The following SFXN5 variants were observed in gnomAD, a reference collection of about 807,000 sequenced individuals.
The protein encoded by SFXN5 is sideroflexin 5.
Under a neutral mutation model 50.2 loss-of-function variants are expected in SFXN5, and 43 were observed. The observed-to-expected ratio is 0.86, with a 90% CI of 0.67 to 1.11. SFXN5 has a LOEUF of 1.11. Among genes scored for constraint, SFXN5 ranks in the 50% least tolerant of loss-of-function variants. The pLI, the probability that SFXN5 is intolerant of heterozygous loss-of-function variation, is 0.00. For synonymous variants in SFXN5, 203 were observed against 185.8 expected, an observed-to-expected ratio of 1.09 and a Z score of -0.75; for missense variants, 463 against 454.1, an observed-to-expected ratio of 1.02 and a Z score of -0.18.
chr2:72,963,582 G>A (rs1002032402), intron 12 of SFXN5, among the ~76,000 whole-genome samples: 22 of 152,106 alleles, frequency 1.4e-4, no homozygotes, highest in African/African-American at 5.1e-4. Flanking sequence ...AAAGGCAGCT[G>A]GGGGAGTTAA....
At chr2:72,981,629 G>A (rs1192808889) in intron 10 of SFXN5, among the ~76,000 whole-genome samples, 1 of 152,148 alleles carries the variant, frequency 6.6e-6, no homozygotes, top group Non-Finnish European at 1.5e-5. Context: ...TGGGACACTA[G>A]ACACTTTCCT....
intron 10 of SFXN5, among the ~76,000 whole-genome samples, chr2:72,981,502 C>T (rs1220667916): frequency 1.3e-5 from 2 of 152,170 alleles, no homozygotes; most frequent in African/African-American, 4.8e-5. Context: ...GGTGCTCTTG[C>T]CCATGAATTC....
intron 10 of SFXN5, among the ~76,000 whole-genome samples, chr2:72,984,146 C>CT (rs1196257098): frequency 6.6e-6 from 1 of 152,256 alleles, no homozygotes; most frequent in East Asian, 1.9e-4. Flanking sequence ...AGCACACATG[C>CT]TCCTGGGCTC....
chr2:72,968,677 C>A, intron 11 of SFXN5, 144 bp from the exon 12 acceptor site: 1 of 572,780 alleles, frequency 1.7e-6, no homozygotes, highest in Non-Finnish European at 2.8e-6. Context: ...AAGCTGCATT[C>A]CAAACAACAA....
chr2:72,984,996 G>A (rs996351761), intron 10 of SFXN5, among the ~76,000 whole-genome samples: 2 of 152,170 alleles, frequency 1.3e-5, no homozygotes, highest in Non-Finnish European at 2.9e-5. Flanking sequence ...AACCTGCTCA[G>A]AAGTGTGAGA....
intron 3 of SFXN5, among the ~76,000 whole-genome samples, chr2:73,034,300 G>C (rs1678685517): frequency 6.6e-6 from 1 of 152,248 alleles, no homozygotes; most frequent in Admixed American, 6.5e-5. Context: ...AGGAGTCAGG[G>C]TAAGACTAGT....
chr2:73,032,078 G>C (rs1678373808), intron 3 of SFXN5, among the ~76,000 whole-genome samples: 4 of 152,190 alleles, frequency 2.6e-5, no homozygotes, highest in Admixed American at 1.3e-4. Context: ...AATGGCAGCA[G>C]GTAATGTACC....
intron 10 of SFXN5, among the ~76,000 whole-genome samples, chr2:72,977,676 G>A (rs907291463): frequency 6.6e-6 from 1 of 152,096 alleles, no homozygotes; most frequent in Non-Finnish European, 1.5e-5. Context: ...TACATTTTGT[G>A]TTGTTAAGAA....
intron 12 of SFXN5, among the ~76,000 whole-genome samples, chr2:72,967,916 G>A (rs2105430934): frequency 6.6e-6 from 1 of 152,264 alleles, no homozygotes; most frequent in Middle Eastern, 3.4e-3. Context: ...TGACAGATAT[G>A]AGTGCTTAGA....
chr2:73,070,219 G>A (rs1021450645), intron 1 of SFXN5, among the ~76,000 whole-genome samples: 1 of 152,156 alleles, frequency 6.6e-6, no homozygotes, highest in African/African-American at 2.4e-5. Flanking sequence ...CGACACTCTC[G>A]CCCTAGATGG....
Position 72,959,064 on chromosome 2 carries a change from T to C in SFXN5, c.945+2067A>G, listed in dbSNP as rs551701260. Among the ~76,000 whole-genome samples, 304 of 152,224 alleles carry C rather than the reference T, an allele frequency of 2.0e-3. 2 individuals are homozygous for C. The highest frequency in any genetic ancestry group is 7.0e-3 in the African/African-American group (290 of 41,536). On this transcript the variant is annotated intron_variant, in intron 13 of 13. Transcript: ENST00000272433. ...AACAGCCCCGGCCTCTTGTTTTCAC[T>C]TCCCCGACTTGTCTCCAGGAGCCCT...
At chr2:73,015,060 A>T (rs1228265510) in intron 6 of SFXN5, among the ~76,000 whole-genome samples, 1 of 152,226 alleles carries the variant, frequency 6.6e-6, no homozygotes, top group Non-Finnish European at 1.5e-5. Context: ...TTTCATCTTT[A>T]AGACAGGTGC....
intron 6 of SFXN5, among the ~76,000 whole-genome samples, chr2:73,002,877 C>T (rs1361847476): frequency 6.6e-6 from 1 of 152,210 alleles, no homozygotes; most frequent in Non-Finnish European, 1.5e-5. Context: ...TTAGATTCAG[C>T]TCCATCCCCA....
intron 11 of SFXN5, among the ~76,000 whole-genome samples, chr2:72,969,519 C>T (rs189532473): frequency 2.0e-5 from 3 of 152,114 alleles, no homozygotes; most frequent in East Asian, 3.9e-4. Flanking sequence ...CTCAGCCTCT[C>T]GAGTAGCTGG....
intron 2 of SFXN5, among the ~76,000 whole-genome samples, chr2:73,052,276 G>A (rs1681428271): frequency 6.6e-6 from 1 of 151,916 alleles, no homozygotes; most frequent in Non-Finnish European, 1.5e-5. Flanking sequence ...AGTTACTGTG[G>A]TGTCAAAAGT....
At chr2:73,014,584 A>G (rs1325186600) in intron 6 of SFXN5, among the ~76,000 whole-genome samples, 2 of 152,232 alleles carry the variant, frequency 1.3e-5, no homozygotes, top group African/African-American at 4.8e-5. Flanking sequence ...ACAAATCCTG[A>G]TGAGATTATG....
chr2:72,947,391 C>T (rs1433545614), intron 13 of SFXN5, among the ~76,000 whole-genome samples: 1 of 152,236 alleles, frequency 6.6e-6, no homozygotes, highest in African/African-American at 2.4e-5. Context: ...GATGCCTGAG[C>T]CCCTAGCTAG....
At chr2:73,045,419 CG>C (rs1680192665) in intron 2 of SFXN5, among the ~76,000 whole-genome samples, 1 of 151,966 alleles carries the variant, frequency 6.6e-6, no homozygotes. Context: ...CTGAGTCCAG[CG>C]TAACACAGAA....
chr2:73,004,819 C>A lies in SFXN5; in HGVS notation c.358-3241G>T, dbSNP rs569329885. On this transcript the variant is annotated intron_variant, in intron 6 of 13. Coordinates refer to ENST00000272433, the MANE Select transcript of SFXN5 (RefSeq NM_144579.3). ...CAGCCCAATTCCCTATTAGGCAAAA[C>A]GCAGCACCATCTGCACAATCCCAGG... Among the ~76,000 whole-genome samples the A allele has an allele frequency of 4.6e-5, 7 of 152,354 alleles. No individual in the cohort carries two copies. The East Asian group carries it at 1.3e-3, about 29-fold the overall frequency.
Sources: gnomAD v4.1 joint callset for allele counts (sites outside exome capture counted in the v4.1 genomes callset) on GRCh38, gnomAD v4.1.1 for gene constraint, MANE v1.5 for transcripts, NCBI Gene and HGNC (gene_info 2026-07-23, HGNC 2026-07-21) for gene names.